The following BCAS3 variants were observed in gnomAD, a reference collection of about 807,000 sequenced individuals.
BCAS3 encodes the protein BCAS3 microtubule associated cell migration factor.
In BCAS3, 53 loss-of-function variants were observed where a neutral mutation model predicts 116.1. The ratio of observed to expected loss-of-function variants is 0.46; its 90% confidence interval spans 0.37 to 0.57. The LOEUF is 0.57. Ranked by LOEUF, BCAS3 falls within the 20% of genes least tolerant of loss-of-function variation. The pLI is 0.00. For missense variants in BCAS3, 917 were observed against 1,165.4 expected, an observed-to-expected ratio of 0.79 and a Z score of 3.10; for synonymous variants, 391 against 408.2, an observed-to-expected ratio of 0.96 and a Z score of 0.51.
intron 3 of BCAS3, 43 bp from the exon 4 acceptor site, chr17:60,689,643 G>A: frequency 1.4e-6 from 2 of 1,429,408 alleles, no homozygotes; most frequent in South Asian, 1.2e-5. Context: ...TAATATTAAA[G>A]CTGTAAAATA....
intron 22 of BCAS3, among the ~76,000 whole-genome samples, chr17:61,234,816 C>CT (rs1204938947): frequency 3.3e-5 from 5 of 150,604 alleles, no homozygotes; most frequent in African/African-American, 1.2e-4. Flanking sequence ...CATAGTACTG[C>CT]TTCGCATTTT....
At chr17:61,027,499 T>A (rs1315148407) in intron 16 of BCAS3, 1 of 383,224 alleles carries the variant, frequency 2.6e-6, no homozygotes, top group African/African-American at 2.1e-5. Context: ...AATTATTTGG[T>A]AAATTCTTTC....
chr17:60,881,789 C>T (rs1599396719), intron 9 of BCAS3, among the ~76,000 whole-genome samples: 1 of 149,378 alleles, frequency 6.7e-6, no homozygotes, highest in Non-Finnish European at 1.5e-5. Flanking sequence ...TTTATGGCTG[C>T]ATAGTATTCC....
intron 22 of BCAS3, among the ~76,000 whole-genome samples, chr17:61,237,002 T>C (rs1251094211): frequency 1.3e-5 from 2 of 152,178 alleles, no homozygotes; most frequent in Non-Finnish European, 2.9e-5. Flanking sequence ...AGAGTGGACT[T>C]CCTTTGGTAA....
rs1021620010 is a variant in BCAS3 at position 61,327,592 on chromosome 17, C to T, written c.2426-40735C>T. On this transcript the variant is annotated intron_variant, in intron 22 of 23. Coordinates refer to ENST00000407086, the MANE Select transcript of BCAS3 (RefSeq NM_017679.5). The surrounding 1 kb of genome is among the most constrained non-coding windows in gnomAD (Gnocchi z 5.9). The stretch of plus-strand genomic sequence containing the variant: ...TGTCACAGTCTTGGCTTACTGCAAC[C>T]TCCGCCTCCCGGGTTCAAGACATTC... 6.6e-6 allele frequency among the ~76,000 whole-genome samples: 1 copy of T among 152,000 alleles called. No individual in the cohort carries two copies. Among genetic ancestry groups the T allele is most frequent in the Non-Finnish European group, 1.5e-5 (1 of 67,984 alleles).
intron 5 of BCAS3, among the ~76,000 whole-genome samples, chr17:60,738,970 T>G (rs1319932619): frequency 1.9e-4 from 29 of 152,138 alleles, no homozygotes; most frequent in Non-Finnish European, 1.5e-5. Flanking sequence ...TTTTGCTGCT[T>G]TTTTAGTTTG....
intron 22 of BCAS3, among the ~76,000 whole-genome samples, chr17:61,234,392 C>T (rs2082870079): frequency 6.6e-6 from 1 of 152,188 alleles, no homozygotes; most frequent in African/African-American, 2.4e-5. Context: ...GTCTGAAGTA[C>T]TCTGTTTTCC....
intron 22 of BCAS3, among the ~76,000 whole-genome samples, chr17:61,267,921 A>G (rs1409498083): frequency 1.3e-5 from 2 of 151,992 alleles, no homozygotes; most frequent in Non-Finnish European, 2.9e-5. Context: ...TCGTGTGTAC[A>G]AAGCTCACCG....
At chr17:60,752,422 A>AT (rs61036201) in intron 6 of BCAS3, among the ~76,000 whole-genome samples, 15 of 146,818 alleles carry the variant, frequency 1.0e-4, no homozygotes, top group African/African-American at 3.3e-4. Flanking sequence ...TGTGTATTTC[A>AT]TTTTTTTTTT....
intron 6 of BCAS3, among the ~76,000 whole-genome samples, chr17:60,803,720 A>C (rs2048011193): frequency 6.6e-6 from 1 of 151,996 alleles, no homozygotes; most frequent in Non-Finnish European, 1.5e-5. Context: ...AAAATGAAAA[A>C]GCACAAAGTA....
chr17:61,272,494 A>G (rs569431878), intron 22 of BCAS3, among the ~76,000 whole-genome samples: 5 of 151,428 alleles, frequency 3.3e-5, no homozygotes, highest in African/African-American at 4.8e-5. Context: ...TTAGCCAGGC[A>G]TGATCTCATG....
At chr17:61,287,834 G>T (rs2051988092) in intron 22 of BCAS3, among the ~76,000 whole-genome samples, 1 of 152,200 alleles carries the variant, frequency 6.6e-6, no homozygotes, top group African/African-American at 2.4e-5. Context: ...ATTCACATTT[G>T]TTCAGTACAT....
Position 61,377,642 on chromosome 17 carries a change from G to A in BCAS3, c.2593+9148G>A, listed in dbSNP as rs529435056. Among the ~76,000 whole-genome samples, 55 of 152,270 alleles carry A rather than the reference G, an allele frequency of 3.6e-4. No homozygotes were observed. The South Asian group carries it at 1.0e-2, about 28-fold the overall frequency. ...GGAGGAGCTAGTAAATGTAGTAATC[G>A]TTGGCCTCCTGTAACTCTGATGTCC... On this transcript the variant is annotated intron_variant, in intron 23 of 23. Coordinates refer to ENST00000407086, the MANE Select transcript of BCAS3 (RefSeq NM_017679.5). The surrounding 1 kb of genome is among the most constrained non-coding windows in gnomAD (Gnocchi z 4.6).
At chr17:60,868,486 G>C in intron 7 of BCAS3, 90 bp from the exon 8 acceptor site, 1 of 656,440 alleles carries the variant, frequency 1.5e-6, no homozygotes, top group Non-Finnish European at 2.3e-6. Flanking sequence ...TTAATCAGAG[G>C]TTTGAATATT....
chr17:61,033,187 G>C (rs148019848), intron 16 of BCAS3, among the ~76,000 whole-genome samples: 1 of 152,156 alleles, frequency 6.6e-6, no homozygotes, highest in Admixed American at 6.6e-5. Context: ...AACTTTACCT[G>C]CTTTGTCTAA....
intron 22 of BCAS3, among the ~76,000 whole-genome samples, chr17:61,129,988 C>A (rs535091184): frequency 6.6e-6 from 1 of 152,284 alleles, no homozygotes; most frequent in Non-Finnish European, 1.5e-5. Context: ...ACCAATGATT[C>A]TTGTTTTGTA....
intron 22 of BCAS3, among the ~76,000 whole-genome samples, chr17:61,253,858 G>T (rs1450352914): frequency 6.6e-6 from 1 of 152,066 alleles, no homozygotes; most frequent in East Asian, 1.9e-4. Context: ...CGGTTTACAT[G>T]GGGGAAAACT....
chr17:61,236,858 T>G (rs1161327227), intron 22 of BCAS3, among the ~76,000 whole-genome samples: 1 of 151,998 alleles, frequency 6.6e-6, no homozygotes, highest in African/African-American at 2.4e-5. Context: ...AAAAGTGGTT[T>G]TATGCAGCAG....
chr17:61,061,546 G>A (rs548998302), intron 19 of BCAS3, among the ~76,000 whole-genome samples: 3 of 152,234 alleles, frequency 2.0e-5, no homozygotes, highest in African/African-American at 4.8e-5. Flanking sequence ...GTACAGATGG[G>A]TACATCGATT....
Sources: allele counts gnomAD v4.1 joint callset (sites outside exome capture counted in the v4.1 genomes callset), GRCh38; gene constraint gnomAD v4.1.1; non-coding constraint Gnocchi (gnomAD v3.1); transcripts MANE v1.5; gene names NCBI Gene and HGNC (gene_info 2026-07-23, HGNC 2026-07-21).